The following SLC25A48 variants were observed in gnomAD, a reference collection of about 807,000 sequenced individuals.
SLC25A48 encodes the protein solute carrier family 25 member 48.
Under a neutral mutation model 32.2 loss-of-function variants are expected in SLC25A48, and 29 were observed. The observed-to-expected ratio is 0.90, with a 90% CI of 0.67 to 1.23. SLC25A48 has a LOEUF of 1.23. Ranked by LOEUF, SLC25A48 falls within the 50% of genes most tolerant of loss-of-function variation. The pLI is 0.00. For missense variants in SLC25A48, 399 were observed against 422.7 expected, an observed-to-expected ratio of 0.94 and a Z score of 0.49; for synonymous variants, 164 against 172.3, an observed-to-expected ratio of 0.95 and a Z score of 0.38.
At chr5:135,744,808 G>A (rs999470084) in intron 3 of SLC25A48, among the ~76,000 whole-genome samples, 6 of 151,988 alleles carry the variant, frequency 3.9e-5, no homozygotes, top group Non-Finnish European at 8.8e-5. Context: ...TTGGGAGGCT[G>A]AGGCAGGCAG....
intron 4 of SLC25A48, among the ~76,000 whole-genome samples, chr5:135,816,796 A>G (rs1757731082): frequency 6.6e-6 from 1 of 152,210 alleles, no homozygotes; most frequent in Admixed American, 6.5e-5. Context: ...CAGGACAATG[A>G]TCCAAAGAGA....
intron 3 of SLC25A48, among the ~76,000 whole-genome samples, chr5:135,778,755 A>G (rs10463530): frequency 0.78 from 49,686 of 64,024 alleles, 17,747 homozygotes; most frequent in Middle Eastern, 0.82. Context: ...ACTGCAGGGG[A>G]TGTGCACCCC....
At chr5:135,702,620 T>C (rs1368541278) in intron 3 of SLC25A48, among the ~76,000 whole-genome samples, 1 of 152,240 alleles carries the variant, frequency 6.6e-6, no homozygotes, top group Non-Finnish European at 1.5e-5. Flanking sequence ...AGAAAAGCAA[T>C]GGACCATTTT....
At chr5:135,866,432 A>G (rs998986847) in intron 4 of SLC25A48, among the ~76,000 whole-genome samples, 1 of 152,208 alleles carries the variant, frequency 6.6e-6, no homozygotes, top group Non-Finnish European at 1.5e-5. Flanking sequence ...AGGCACAGTG[A>G]CTTTCTGTGG....
intron 3 of SLC25A48, among the ~76,000 whole-genome samples, chr5:135,734,776 C>T (rs1270240181): frequency 6.8e-6 from 1 of 147,048 alleles, no homozygotes; most frequent in Non-Finnish European, 1.5e-5. Flanking sequence ...GAGATCGTGC[C>T]ACTGCACTCC....
rs146953245 is a variant in SLC25A48 at position 135,730,275 on chromosome 5, A to G, written c.-520-82248A>G. Among the ~76,000 whole-genome samples, 296 of 152,122 alleles carry G rather than the reference A, an allele frequency of 1.9e-3. 1 individual carries two copies. Among genetic ancestry groups the G allele is most frequent in the African/African-American group, 6.9e-3 (287 of 41,490 alleles). On this transcript the variant is annotated intron_variant, in intron 3 of 10. Coordinates refer to the SLC25A48 transcript ENST00000646290. ...TGAATTCCCACATGTTATGGGAGGG[A>G]CTTGGTGGAAGGTAGTTGACTCATG...
chr5:135,587,128 G>A (rs59628104), intron 1 of SLC25A48, among the ~76,000 whole-genome samples: 37,586 of 151,914 alleles, frequency 0.25, 4,969 homozygotes, highest in Middle Eastern at 0.33. Flanking sequence ...CCTCCCAGGC[G>A]CAAGTGATCC....
At chr5:135,726,103 AGCCAGAGTCTG>A (rs1053498962) in intron 3 of SLC25A48, among the ~76,000 whole-genome samples, 1 of 152,234 alleles carries the variant, frequency 6.6e-6, no homozygotes, top group African/African-American at 2.4e-5. Flanking sequence ...TTACGACTAT[AGCCAGAGTCTG>A]GCCCTACCAG....
At chr5:135,672,268 G>A (rs1448362929) in intron 3 of SLC25A48, among the ~76,000 whole-genome samples, 1 of 152,188 alleles carries the variant, frequency 6.6e-6, no homozygotes, top group Non-Finnish European at 1.5e-5. Context: ...GATATTAAAG[G>A]TTATGAAAGG....
At chr5:135,796,867 G>A (rs1299937376) in intron 3 of SLC25A48, among the ~76,000 whole-genome samples, 1 of 151,710 alleles carries the variant, frequency 6.6e-6, no homozygotes, top group Non-Finnish European at 1.5e-5. Context: ...TCTAGGGAAG[G>A]AGAGGATGAT....
chr5:135,733,596 C>T lies in SLC25A48; in HGVS notation c.-520-78927C>T, dbSNP rs190494667. 9.3e-3 allele frequency among the ~76,000 whole-genome samples: 1,422 copies of T among 152,262 alleles called. 27 individuals are homozygous for T. Among genetic ancestry groups the T allele is most frequent in the African/African-American group, 0.032 (1,342 of 41,526 alleles). The stretch of plus-strand genomic sequence containing the variant: ...TTGAGGGCCTCTAAAAGTATTAAGG[C>T]AGCGGCAGCCGCCACATGCAGACAT... On this transcript the variant is annotated intron_variant, in intron 3 of 10. Transcript: ENST00000646290.
chr5:135,817,301 A>G (rs1020126274), intron 4 of SLC25A48, among the ~76,000 whole-genome samples: 2 of 152,252 alleles, frequency 1.3e-5, no homozygotes. Context: ...TAAAGTATCA[A>G]TAGTGCCAAG....
At chr5:135,750,943 C>T (rs113814858) in intron 3 of SLC25A48, among the ~76,000 whole-genome samples, 66 of 152,292 alleles carry the variant, frequency 4.3e-4, no homozygotes, top group African/African-American at 1.5e-3. Flanking sequence ...TGGGTTGACC[C>T]ACGGGAGGTA....
At chr5:135,633,506 A>G (rs1752627061) in intron 2 of SLC25A48, among the ~76,000 whole-genome samples, 4 of 151,960 alleles carry the variant, frequency 2.6e-5, no homozygotes, top group Admixed American at 2.6e-4. Context: ...CACAGCAAGA[A>G]GGCAGCCACC....
intron 3 of SLC25A48, among the ~76,000 whole-genome samples, chr5:135,705,882 G>A (rs1754496087): frequency 6.6e-6 from 1 of 152,138 alleles, no homozygotes. Flanking sequence ...CTCCCATCTG[G>A]CCACACTGGC....
chr5:135,670,991 T>C (rs370972897), intron 3 of SLC25A48, among the ~76,000 whole-genome samples: 10 of 152,228 alleles, frequency 6.6e-5, no homozygotes, highest in African/African-American at 2.2e-4. Flanking sequence ...ATCCCTGGTA[T>C]ACCTGAGACT....
At chr5:135,652,452 C>G (rs1386126954) in intron 3 of SLC25A48, 3 of 455,936 alleles carry the variant, frequency 6.6e-6, no homozygotes, top group Non-Finnish European at 1.3e-5. Context: ...GCTTCTGATC[C>G]AAGAACCCAC....
At chr5:135,601,216 A>G (rs1751789417) in intron 1 of SLC25A48, 1 of 152,226 alleles carries the variant, frequency 6.6e-6, no homozygotes, top group African/African-American at 2.4e-5. Context: ...AAGTCATTTA[A>G]TGGCTCTTGA....
intron 3 of SLC25A48, among the ~76,000 whole-genome samples, chr5:135,724,470 G>A (rs555890576): frequency 6.6e-6 from 1 of 152,212 alleles, no homozygotes; most frequent in African/African-American, 2.4e-5. Flanking sequence ...TCTAAAGCTC[G>A]CAAGATGGGC....
Sources: allele counts gnomAD v4.1 joint callset (sites outside exome capture counted in the v4.1 genomes callset), GRCh38; gene constraint gnomAD v4.1.1; transcripts MANE v1.5; gene names NCBI Gene and HGNC (gene_info 2026-07-23, HGNC 2026-07-21).